Variants in PBK observed in about 807,000 individuals in gnomAD.
PBK encodes the protein lymphokine-activated killer T-cell-originated protein kinase.
In PBK, 22 loss-of-function variants were observed where a neutral mutation model predicts 33.5. The ratio of observed to expected loss-of-function variants is 0.66; its 90% CI spans 0.47 to 0.94. The LOEUF is 0.94. Ranked by LOEUF, PBK falls within the 40% of genes least tolerant of loss-of-function variation. The pLI is 0.00. For missense variants in PBK, 376 were observed against 383.4 expected (o/e 0.98, Z 0.16); for synonymous variants, 129 against 123.8 (o/e 1.04, Z -0.28).
At chr8:27,817,809 T>G (rs1563490009) in intron 6 of PBK, among the ~76,000 whole-genome samples, 1 of 152,168 alleles carries the variant, frequency 6.6e-6, no homozygotes, top group Non-Finnish European at 1.5e-5. Flanking sequence ...GTGTCATTTC[T>G]GAGCTTGAGC....
chr8:27,825,046 G>T, intron 3 of PBK, among the ~76,000 whole-genome samples: 1 of 152,116 alleles, frequency 6.6e-6, no homozygotes, highest in Non-Finnish European at 1.5e-5. Flanking sequence ...AGCAAGAATG[G>T]AAATAACAGC....
chr8:27,812,299 C>A, intron 6 of PBK: 1 of 151,246 alleles, frequency 6.6e-6, no homozygotes, highest in Admixed American at 6.6e-5. Context: ...AACACTTTTT[C>A]GGTATCTATT....
At chr8:27,813,307 G>A (rs1272634056) in intron 6 of PBK, among the ~76,000 whole-genome samples, 1 of 152,104 alleles carries the variant, frequency 6.6e-6, no homozygotes, top group Non-Finnish European at 1.5e-5. Flanking sequence ...ATCACACCCT[G>A]GGGCCTGTCA....
At chr8:27,811,484 C>A in intron 6 of PBK, 1 of 369,044 alleles carries the variant, frequency 2.7e-6, no homozygotes, top group South Asian at 3.4e-5. Flanking sequence ...GAGCAGATCA[C>A]TTCTAGACCT....
chr8:27,816,103 C>T (rs17057923), intron 6 of PBK, among the ~76,000 whole-genome samples: 23,713 of 151,716 alleles, frequency 0.16, 2,349 homozygotes, highest in East Asian at 0.36. Flanking sequence ...GCGAGGCCTT[C>T]CTCAACATCT....
chr8:27,828,010 T>A, intron 3 of PBK, 95 bp downstream of exon 3: 1 of 661,296 alleles, frequency 1.5e-6, no homozygotes, highest in Non-Finnish European at 2.7e-6. Flanking sequence ...GACAACCGAA[T>A]CTAAATACTG....
At chr8:27,821,579 A>G (rs1178674829) in intron 5 of PBK, among the ~76,000 whole-genome samples, 3 of 152,210 alleles carry the variant, frequency 2.0e-5, no homozygotes, top group Non-Finnish European at 2.9e-5. Flanking sequence ...ATTTTTATAT[A>G]TAAGTATGTA....
chr8:27,824,361 GA>G (rs1329228392), intron 3 of PBK, among the ~76,000 whole-genome samples: 1 of 151,752 alleles, frequency 6.6e-6, no homozygotes, highest in Non-Finnish European at 1.5e-5. Flanking sequence ...TATGAAATCT[GA>G]ATACTCAACC....
At chr8:27,816,123 T>TAA (rs1429374908) in intron 6 of PBK, among the ~76,000 whole-genome samples, 2 of 152,012 alleles carry the variant, frequency 1.3e-5, no homozygotes, top group African/African-American at 4.8e-5. Flanking sequence ...TAGACTAGGT[T>TAA]AAGGGCCACT....
At chr8:27,833,875 A>G (rs1260794527) in intron 1 of PBK, among the ~76,000 whole-genome samples, 1 of 152,228 alleles carries the variant, frequency 6.6e-6, no homozygotes, top group Non-Finnish European at 1.5e-5. Context: ...GCATCAGATG[A>G]TGAATGGATA....
At chr8:27,837,071 A>G (rs1806239902) in intron 1 of PBK, among the ~76,000 whole-genome samples, 1 of 152,170 alleles carries the variant, frequency 6.6e-6, no homozygotes, top group Non-Finnish European at 1.5e-5. Flanking sequence ...TGACAGCAAA[A>G]AAAACAGTGA....
intron 6 of PBK, among the ~76,000 whole-genome samples, chr8:27,820,277 A>AGAT (rs1805894103): frequency 6.6e-6 from 1 of 152,152 alleles, no homozygotes; most frequent in Admixed American, 6.6e-5. Flanking sequence ...TTCTATTCCC[A>AGAT]GATGCTTTAC....
rs768158056 is a variant in PBK at position 27,822,427 on chromosome 8, A to G, written c.357T>C (p.Gly119=). Residue 119 remains glycine, a synonymous_variant, in exon 5 of 8, where the codon GGT becomes GGC. Coordinates refer to ENST00000301905, the MANE Select transcript of PBK (RefSeq NM_018492.4). ...CTATTAAGTCATTTAGAGACTTTTCACCTCCATATTCCATAGCAAGACACA... is the reference window on the plus strand; with the variant it reads ...CTATTAAGTCATTTAGAGACTTTTCGCCTCCATATTCCATAGCAAGACACA... ...GSLCLAMEYG[G]EKSLNDLIEE... 1 of 1,612,172 alleles carries G rather than the reference A, an allele frequency of 6.2e-7. No individual in the cohort carries two copies. The highest frequency in any genetic ancestry group is 8.5e-7 in the Non-Finnish European group (1 of 1,178,418).
intron 2 of PBK, 61 bp downstream of exon 2, chr8:27,832,995 T>C (rs761819149): frequency 1.1e-6 from 1 of 922,804 alleles, no homozygotes; most frequent in Non-Finnish European, 1.7e-6. Flanking sequence ...TAAATAATAC[T>C]AGGACATTTC....
chr8:27,831,902 T>G (rs764284054), intron 2 of PBK, among the ~76,000 whole-genome samples: 1 of 152,122 alleles, frequency 6.6e-6, no homozygotes, highest in Non-Finnish European at 1.5e-5. Context: ...CAGGCCCAGA[T>G]AGCTTTACTA....
chr8:27,816,765 C>G (rs28447465), intron 6 of PBK, among the ~76,000 whole-genome samples: 23,873 of 151,802 alleles, frequency 0.16, 2,377 homozygotes, highest in East Asian at 0.37. Context: ...AACTTTTCTT[C>G]ATATATGTAA....
intron 1 of PBK, among the ~76,000 whole-genome samples, chr8:27,833,544 C>T (rs956780222): frequency 3.3e-5 from 5 of 151,420 alleles, no homozygotes; most frequent in African/African-American, 1.2e-4. Context: ...TTATCGTTCA[C>T]GTTATCACAA....
intron 2 of PBK, among the ~76,000 whole-genome samples, chr8:27,828,570 G>A (rs1267122053): frequency 1.3e-5 from 2 of 151,692 alleles, no homozygotes; most frequent in African/African-American, 4.8e-5. Context: ...AGACCAGCTT[G>A]GGCAACATAA....
chr8:27,816,355 A>ATATATATATATATT (rs1024094999), intron 6 of PBK, among the ~76,000 whole-genome samples: 22 of 140,942 alleles, frequency 1.6e-4, no homozygotes, highest in African/African-American at 5.4e-4. Context: ...ATATATATAT[A>ATATATATATATATT]TATTTATTTA....
Sources: gnomAD v4.1 joint callset for allele counts (sites outside exome capture counted in the v4.1 genomes callset) on GRCh38, gnomAD v4.1.1 for gene constraint, MANE v1.5 for transcripts, NCBI Gene and HGNC (gene_info 2026-07-23, HGNC 2026-07-21) for gene names.